Variants in ARHGAP15 observed in about 807,000 individuals in gnomAD.
ARHGAP15 encodes rho GTPase-activating protein 15.
ARHGAP15 carries 51 observed loss-of-function variants against 63.7 expected under a neutral mutation model. That is an observed-to-expected ratio of 0.80 (90% confidence interval 0.64 to 1.01). The LOEUF (loss-of-function observed/expected upper bound fraction) is 1.01, where lower values mean the gene tolerates loss of function less well. Ranked by LOEUF, ARHGAP15 falls within the 50% of genes least tolerant of loss-of-function variation. The pLI, the probability that ARHGAP15 is intolerant of heterozygous loss-of-function variation, is 0.00. For missense variants in ARHGAP15, 560 were observed against 564.6 expected, an observed-to-expected ratio of 0.99 and a Z score of 0.08; for synonymous variants, 191 against 193.8, an observed-to-expected ratio of 0.99 and a Z score of 0.12.
chr2:143,172,056 G>A (rs540482313), intron 2 of ARHGAP15: 12 of 152,060 alleles, frequency 7.9e-5, no homozygotes, highest in Non-Finnish European at 1.3e-4. Flanking sequence ...AGGCAGGAAA[G>A]AAGACAAGCA....
intron 1 of ARHGAP15, among the ~76,000 whole-genome samples, chr2:143,147,030 T>C (rs910505280): frequency 3.3e-5 from 5 of 152,232 alleles, no homozygotes; most frequent in African/African-American, 1.2e-4. Context: ...CTGCAACCAA[T>C]GGGTGATTAG....
chr2:143,519,114 A>G, intron 9 of ARHGAP15, 152 bp from the exon 10 acceptor site: 1 of 523,238 alleles, frequency 1.9e-6, no homozygotes, highest in South Asian at 2.0e-5. Flanking sequence ...TGTGGTCTTC[A>G]TATGTCTGCC....
chr2:143,259,601 CTGA>C (rs1680612502), intron 6 of ARHGAP15, among the ~76,000 whole-genome samples: 1 of 152,112 alleles, frequency 6.6e-6, no homozygotes. Context: ...ACTGGCTTCT[CTGA>C]TTCGGTTTGA....
chr2:143,698,519 TACA>T (rs35605345), intron 12 of ARHGAP15, among the ~76,000 whole-genome samples: 41,958 of 151,962 alleles, frequency 0.28, 7,122 homozygotes, highest in Admixed American at 0.38. Flanking sequence ...TAAACTTGTT[TACA>T]ACAATGAGTT....
chr2:143,306,994 C>T (rs975842059), intron 6 of ARHGAP15, among the ~76,000 whole-genome samples: 5 of 152,122 alleles, frequency 3.3e-5, no homozygotes, highest in African/African-American at 1.2e-4. Context: ...CTGTGATCTC[C>T]TCTGAGGCTC....
chr2:143,142,002 G>A (rs1244431051), intron 1 of ARHGAP15, among the ~76,000 whole-genome samples: 4 of 152,030 alleles, frequency 2.6e-5, no homozygotes, highest in African/African-American at 7.2e-5. Context: ...CTGTCCACCC[G>A]CAGCTGTCTC....
chr2:143,320,533 A>C (rs1683972959), intron 6 of ARHGAP15, among the ~76,000 whole-genome samples: 1 of 151,906 alleles, frequency 6.6e-6, no homozygotes, highest in South Asian at 2.1e-4. Flanking sequence ...AGCAGTAAGA[A>C]GACCCTAGAA....
intron 12 of ARHGAP15, among the ~76,000 whole-genome samples, chr2:143,680,983 T>C (rs1683073302): frequency 6.6e-6 from 1 of 152,234 alleles, no homozygotes; most frequent in Non-Finnish European, 1.5e-5. Flanking sequence ...CATAGTAGCC[T>C]GCCAAAATGT....
intron 6 of ARHGAP15, among the ~76,000 whole-genome samples, chr2:143,422,252 C>T (rs1164546889): frequency 1.3e-5 from 2 of 152,032 alleles, no homozygotes; most frequent in African/African-American, 2.4e-5. Context: ...CCCCAGGATA[C>T]TAGAGAATGA....
At chr2:143,589,793 C>G (rs1048269766) in intron 11 of ARHGAP15, among the ~76,000 whole-genome samples, 46 of 151,964 alleles carry the variant, frequency 3.0e-4, no homozygotes. Context: ...AACAGAAGCA[C>G]TAAAGCTTGG....
chr2:143,519,746 C>G (rs1693980637), intron 10 of ARHGAP15, among the ~76,000 whole-genome samples: 1 of 152,158 alleles, frequency 6.6e-6, no homozygotes, highest in Non-Finnish European at 1.5e-5. Context: ...CAACATTACC[C>G]AAGTTAAGCA....
intron 5 of ARHGAP15, among the ~76,000 whole-genome samples, chr2:143,232,056 A>G (rs144062164): frequency 3.9e-4 from 59 of 152,308 alleles, no homozygotes; most frequent in African/African-American, 1.4e-3. Flanking sequence ...TCCAAGTCAC[A>G]TTTTTATCAA....
intron 13 of ARHGAP15, among the ~76,000 whole-genome samples, chr2:143,734,446 C>T (rs1685666654): frequency 6.6e-6 from 1 of 152,104 alleles, no homozygotes; most frequent in Non-Finnish European, 1.5e-5. Flanking sequence ...ATCAGTAGTC[C>T]AAAACCCACG....
intron 8 of ARHGAP15, among the ~76,000 whole-genome samples, chr2:143,448,467 A>G (rs1690248610): frequency 6.6e-6 from 1 of 152,106 alleles, no homozygotes; most frequent in Admixed American, 6.6e-5. Context: ...AGAGGTAAGG[A>G]GATGAATTCA....
chr2:143,666,473 A>G, intron 12 of ARHGAP15, among the ~76,000 whole-genome samples: 1 of 151,086 alleles, frequency 6.6e-6, no homozygotes, highest in Admixed American at 6.6e-5. Flanking sequence ...ACCCTAGAAG[A>G]AAACCTAGGC....
chr2:143,198,844 C>G (rs1691993041), intron 2 of ARHGAP15, among the ~76,000 whole-genome samples: 2 of 152,126 alleles, frequency 1.3e-5, no homozygotes, highest in Admixed American at 1.3e-4. Context: ...TTCTCTAACA[C>G]TTAAGACTTG....
chr2:143,674,447 G>T (rs1682724596), intron 12 of ARHGAP15, among the ~76,000 whole-genome samples: 1 of 152,104 alleles, frequency 6.6e-6, no homozygotes. Context: ...ACTAAAATCA[G>T]AACAATAGTT....
At chr2:143,536,561 C>T (rs1023328652) in intron 10 of ARHGAP15, among the ~76,000 whole-genome samples, 14 of 139,036 alleles carry the variant, frequency 1.0e-4, no homozygotes, top group Middle Eastern at 7.7e-3. Flanking sequence ...GTGTGATGTT[C>T]CCCTTCCTGT....
At chr2:143,653,845 G>A (rs1480546628) in intron 12 of ARHGAP15, among the ~76,000 whole-genome samples, 1 of 152,156 alleles carries the variant, frequency 6.6e-6, no homozygotes, top group Non-Finnish European at 1.5e-5. Context: ...GGTGCCAAAA[G>A]TTATTCTTCT....
Sources: allele counts gnomAD v4.1 joint callset (sites outside exome capture counted in the v4.1 genomes callset), GRCh38; gene constraint gnomAD v4.1.1; transcripts MANE v1.5; gene names NCBI Gene and HGNC (gene_info 2026-07-23, HGNC 2026-07-21).